Variants in CFAP74 observed in about 807,000 individuals in gnomAD.
CFAP74 encodes the protein cilia and flagella associated protein 74, also known as cilia- and flagella-associated protein 74.
A neutral mutation model predicts 188.9 loss-of-function variants in CFAP74; 124 were observed. The observed-to-expected ratio is 0.66, with a 90% CI of 0.57 to 0.76. CFAP74 has a LOEUF of 0.76. Ranked by LOEUF, CFAP74 falls within the 30% of genes least tolerant of loss-of-function variation. The probability of loss-of-function intolerance (pLI) is 0.00; values close to 1 mark genes in which losing one functional copy is unlikely to be tolerated. For missense variants in CFAP74, 2,198 were observed against 2,165.2 expected, an observed-to-expected ratio of 1.02 and a Z score of -0.30; for synonymous variants, 956 against 916.7, an observed-to-expected ratio of 1.04 and a Z score of -0.77.
At chr1:1,989,409 C>T (rs994505720) in intron 2 of CFAP74, among the ~76,000 whole-genome samples, 2 of 152,210 alleles carry the variant, frequency 1.3e-5, no homozygotes, top group African/African-American at 2.4e-5. Context: ...TGCCTACGGC[C>T]CCCGAGCGTT....
chr1:1,963,238 G>A lies in CFAP74; in HGVS notation c.1694+511C>T, dbSNP rs140867594. On this transcript the variant is annotated intron_variant, in intron 14 of 38. Coordinates refer to ENST00000682832, the MANE Select transcript of CFAP74 (RefSeq NM_001304360.2). Reference sequence around the variant, plus strand: ...AGCCAAGGCAGGTGGACCGCCTGAGGTCAGGAGTTCGAGACCAGCCTGGGC... The same window carrying A: ...AGCCAAGGCAGGTGGACCGCCTGAGATCAGGAGTTCGAGACCAGCCTGGGC... Among the ~76,000 whole-genome samples, 1,353 of 152,058 alleles carry A rather than the reference G, an allele frequency of 8.9e-3. 59 individuals carry two copies. The highest frequency in any genetic ancestry group is 0.071 in the Admixed American group (1,084 of 15,264).
chr1:1,968,467 C>T lies in CFAP74; in HGVS notation c.1245+168G>A, dbSNP rs558729577. Reference sequence around the variant, plus strand: ...GTGGTGGGTCCGTAGTGTGTCTTGTCCCCTTGTCCTTGAGCTGAGTGGCGG... The same window carrying T: ...GTGGTGGGTCCGTAGTGTGTCTTGTTCCCTTGTCCTTGAGCTGAGTGGCGG... On this transcript the variant is annotated intron_variant, in intron 11 of 38. Coordinates refer to ENST00000682832, the MANE Select transcript of CFAP74 (RefSeq NM_001304360.2). This position sits in a 1 kb window ranked among gnomAD's most constrained non-coding sequence, Gnocchi z 4.3. Among the ~76,000 whole-genome samples, 2 of 151,830 alleles carry T rather than the reference C, an allele frequency of 1.3e-5. No individual in the cohort carries two copies. Among genetic ancestry groups the T allele is most frequent in the Non-Finnish European group, 2.9e-5 (2 of 67,952 alleles).
intron 12 of CFAP74, among the ~76,000 whole-genome samples, chr1:1,965,522 G>C (rs910517369): frequency 2.0e-5 from 3 of 152,224 alleles, no homozygotes; most frequent in Non-Finnish European, 4.4e-5. Context: ...CAACCAGGAA[G>C]ATCAGAACTG....
intron 6 of CFAP74, among the ~76,000 whole-genome samples, chr1:1,981,909 G>A (rs573012993): frequency 8.9e-5 from 6 of 67,682 alleles, no homozygotes; most frequent in South Asian, 6.5e-4. Flanking sequence ...AGACACGGGG[G>A]CACGCAGGAC....
Position 1,975,066 on chromosome 1 carries a change from G to A in CFAP74, c.501-868C>T, listed in dbSNP as rs183673250. Among the ~76,000 whole-genome samples, 14 of 152,350 alleles carry A rather than the reference G, an allele frequency of 9.2e-5. No individual in the cohort carries two copies. Among genetic ancestry groups the A allele is most frequent in the Admixed American group, 2.0e-4 (3 of 15,302 alleles). On this transcript the variant is annotated intron_variant, in intron 6 of 38. Transcript: ENST00000682832. The surrounding 1 kb of genome is among the most constrained non-coding windows in gnomAD (Gnocchi z 4.5). Reference sequence around the variant, plus strand: ...CAAGGTCAGACGCAGGCGTTGAGCCGGCATCCTCACTGCATTGCTGACATT... The same window carrying A: ...CAAGGTCAGACGCAGGCGTTGAGCCAGCATCCTCACTGCATTGCTGACATT...
In CFAP74 at chr1:1,922,736, G is replaced by A. The variant is rs756323117; in HGVS notation, c.4684-13C>T. On this transcript the variant is annotated splice_polypyrimidine_tract_variant and intron_variant, in intron 37 of 38. Coordinates refer to ENST00000682832, the MANE Select transcript of CFAP74 (RefSeq NM_001304360.2). ...TGAACTCAACGGTCTGTGGGGTATG[G>A]GGCTCCTGTAGGCTGGCGACCAGGC... The A allele has an allele frequency of 1.9e-6, 3 of 1,601,772 alleles. No homozygotes were observed. The highest frequency in any genetic ancestry group is 2.6e-6 in the Non-Finnish European group (3 of 1,174,708).
chr1:1,941,069 T>C (rs1052417068), intron 22 of CFAP74, among the ~76,000 whole-genome samples: 13 of 151,810 alleles, frequency 8.6e-5, no homozygotes, highest in East Asian at 1.9e-4. Flanking sequence ...GCCGAGATAG[T>C]GCCACTGCAC....
chr1:1,981,139 T>A (rs1025252495), intron 6 of CFAP74, among the ~76,000 whole-genome samples: 2 of 152,164 alleles, frequency 1.3e-5, no homozygotes, highest in African/African-American at 2.4e-5. Flanking sequence ...CTGTGCTCTC[T>A]CCGTTGGGCT....
At chr1:1,959,063 T>A in intron 16 of CFAP74, 57 bp downstream of exon 16, 1 of 1,216,638 alleles carries the variant, frequency 8.2e-7, no homozygotes, top group Non-Finnish European at 1.2e-6. Flanking sequence ...CGTCCCCCAC[T>A]GGGGTTCCCA....
At chr1:1,977,737 C>T (rs998957577) in intron 6 of CFAP74, among the ~76,000 whole-genome samples, 13 of 147,842 alleles carry the variant, frequency 8.8e-5, no homozygotes, top group African/African-American at 2.8e-4. Context: ...CTCAGCTGAT[C>T]GAGGAAACCT....
chr1:1,924,561 C>A (rs755835390), intron 33 of CFAP74, 41 bp from the exon 34 acceptor site: 1 of 1,570,342 alleles, frequency 6.4e-7, no homozygotes, highest in East Asian at 2.4e-5. Flanking sequence ...CCAGCCCCTG[C>A]CTGGCTGCCC....
chr1:1,977,445 TC>T (rs1266327664), intron 6 of CFAP74, among the ~76,000 whole-genome samples: 1 of 152,062 alleles, frequency 6.6e-6, no homozygotes, highest in Non-Finnish European at 1.5e-5. Context: ...CCGTAACACC[TC>T]CCTGAGGGGC....
intron 2 of CFAP74, among the ~76,000 whole-genome samples, chr1:1,989,287 G>A (rs1376550508): frequency 1.3e-5 from 2 of 152,230 alleles, no homozygotes; most frequent in Admixed American, 6.5e-5. Flanking sequence ...AGGGAGAGCC[G>A]GCCACGCAGC....
chr1:1,947,745 G>C (rs1381033742), intron 18 of CFAP74, among the ~76,000 whole-genome samples: 1 of 152,250 alleles, frequency 6.6e-6, no homozygotes, highest in Non-Finnish European at 1.5e-5. Flanking sequence ...GAGCCCCCAC[G>C]GGCTTGCCAG....
At chr1:1,928,760 C>A (rs1159138484) in intron 27 of CFAP74, 24 bp downstream of exon 27, 1 of 1,508,000 alleles carries the variant, frequency 6.6e-7, no homozygotes, top group Non-Finnish European at 8.9e-7. Context: ...CGACCTACGC[C>A]CCTCCTTCCC....
intron 20 of CFAP74, among the ~76,000 whole-genome samples, chr1:1,945,584 T>C (rs1276230006): frequency 1.3e-5 from 2 of 151,902 alleles, no homozygotes; most frequent in South Asian, 2.1e-4. Flanking sequence ...TCCCAGCACT[T>C]TGGGAGGCCG....
At chr1:1,927,271 C>T (rs1374499973) in intron 28 of CFAP74, 4 of 592,364 alleles carry the variant, frequency 6.8e-6, no homozygotes, top group East Asian at 5.7e-5. Flanking sequence ...TGCCTTTGGC[C>T]CCTGGCTAGA....
chr1:1,944,350 A>C lies in CFAP74; in HGVS notation c.2467T>G (p.Ser823Ala). The change falls in exon 21 of 39, where the codon TCT becomes GCT. Residue 823 changes from serine (S) to alanine (A), a missense_variant. Physicochemically the swap from Ser to Ala is moderately conservative, Grantham distance 99. Coordinates refer to ENST00000682832, the MANE Select transcript of CFAP74 (RefSeq NM_001304360.2). ...GCTCACCGCGTGTGCACGAGCACAG[A>C]GTCCTGGTAGAGCCGGTCATACATG... ...ICMYDRLYQD[S>A]VLVHTRSKAA... The C allele has an allele frequency of 6.5e-7, 1 of 1,535,746 alleles. No homozygotes were observed.
At chr1:1,930,014 G>A (rs2102034381) in intron 26 of CFAP74, 46 bp downstream of exon 26, 1 of 1,473,008 alleles carries the variant, frequency 6.8e-7, no homozygotes, top group Non-Finnish European at 9.0e-7. Flanking sequence ...AATGCAGGTG[G>A]CGTGGAGCTC....
Sources: gnomAD v4.1 joint callset for allele counts (sites outside exome capture counted in the v4.1 genomes callset) on GRCh38, gnomAD v4.1.1 for gene constraint, Gnocchi (gnomAD v3.1) non-coding constraint, MANE v1.5 for transcripts, NCBI Gene and HGNC (gene_info 2026-07-23, HGNC 2026-07-21) for gene names.